CERS6: variants seen among roughly 807,000 people sequenced by gnomAD.
CERS6 encodes LAG1 homolog, ceramide synthase 6.
Under a neutral mutation model 56.8 loss-of-function variants are expected in CERS6, and 26 were observed. That is an observed-to-expected ratio of 0.46 (90% confidence interval 0.34 to 0.63). CERS6 has a LOEUF of 0.63. Ranked by LOEUF, CERS6 falls within the 30% of genes least tolerant of loss-of-function variation. The pLI, the probability that CERS6 is intolerant of heterozygous loss-of-function variation, is 0.01. For synonymous variants in CERS6, 164 were observed against 173.3 expected (o/e 0.95, Z 0.42); for missense variants, 415 against 467.5 (o/e 0.89, Z 1.04).
chr2:168,726,317 T>C (rs76019410), intron 8 of CERS6, among the ~76,000 whole-genome samples: 333 of 152,316 alleles, frequency 2.2e-3, no homozygotes, highest in African/African-American at 7.3e-3. Context: ...GTTCCATTTG[T>C]CCTTTCTACA....
chr2:168,721,703 T>G (rs1172034948), intron 8 of CERS6, among the ~76,000 whole-genome samples: 1 of 151,710 alleles, frequency 6.6e-6, no homozygotes, highest in Non-Finnish European at 1.5e-5. Context: ...ATTGCAGCCT[T>G]GAACTCCTGG....
At chr2:168,644,755 TAAAAAG>T (rs928539319) in intron 4 of CERS6, among the ~76,000 whole-genome samples, 13 of 152,042 alleles carry the variant, frequency 8.6e-5, no homozygotes, top group Admixed American at 7.9e-4. Flanking sequence ...AGACTGAACT[TAAAAAG>T]AGAAAGAAGA....
chr2:168,690,744 T>C (rs1428046672), intron 4 of CERS6, among the ~76,000 whole-genome samples: 1 of 152,136 alleles, frequency 6.6e-6, no homozygotes, highest in African/African-American at 2.4e-5. Context: ...GCTGGTTATG[T>C]AGCAGGAATA....
At chr2:168,458,847 T>G (rs1171041653) in intron 1 of CERS6, among the ~76,000 whole-genome samples, 5 of 152,234 alleles carry the variant, frequency 3.3e-5, no homozygotes, top group African/African-American at 9.6e-5. Context: ...TTTAGTTGTA[T>G]CTAGAGTTAG....
At chr2:168,574,959 A>AT (rs2105391610) in intron 3 of CERS6, among the ~76,000 whole-genome samples, 1 of 152,178 alleles carries the variant, frequency 6.6e-6, no homozygotes, top group African/African-American at 2.4e-5. Flanking sequence ...TGAGAACATG[A>AT]TTTTCTGGCT....
At chr2:168,600,190 T>TTC (rs10651781) in intron 3 of CERS6, among the ~76,000 whole-genome samples, 5,089 of 138,022 alleles carry the variant, frequency 0.037, 115 homozygotes, top group African/African-American at 0.06. Context: ...ACTACCATAT[T>TTC]TCTCTCTCTC....
chr2:168,667,834 G>A (rs916246083), intron 4 of CERS6, among the ~76,000 whole-genome samples: 1 of 152,162 alleles, frequency 6.6e-6, no homozygotes, highest in Non-Finnish European at 1.5e-5. Flanking sequence ...GCAGACAGGT[G>A]AACAGATATT....
chr2:168,553,667 G>T (rs1174223763), intron 2 of CERS6, among the ~76,000 whole-genome samples: 1 of 152,154 alleles, frequency 6.6e-6, no homozygotes. Flanking sequence ...TATTCCATGA[G>T]TCTTTCTTGA....
rs749833625 is a variant in CERS6, at chr2:168,717,909, T to C, written c.776T>C (p.Met259Thr). The C allele has an allele frequency of 6.2e-7, 1 of 1,613,862 alleles. No homozygotes were observed. The highest frequency in any genetic ancestry group is 1.3e-5 in the African/African-American group (1 of 75,042). Reference sequence around the variant, plus strand: ...GCAAATTATGCCAAGTTTCAGAAAATGTGTGATCTCCTGTTTGTTATGTTT... The same window carrying C: ...GCAAATTATGCCAAGTTTCAGAAAACGTGTGATCTCCTGTTTGTTATGTTT... Reference protein sequence around the residue: ...KMANYAKFQKMCDLLFVMFAV... With the variant: ...KMANYAKFQKTCDLLFVMFAV... The change falls in exon 8 of 10, where the codon ATG becomes ACG. Residue 259 changes from methionine to threonine, a missense_variant. Coordinates refer to ENST00000305747, the MANE Select transcript of CERS6 (RefSeq NM_203463.3).
chr2:168,650,892 A>C (rs1372347137), intron 4 of CERS6, among the ~76,000 whole-genome samples: 1 of 151,942 alleles, frequency 6.6e-6, no homozygotes, highest in African/African-American at 2.4e-5. Context: ...TATCAGCATT[A>C]CTCTTCTTGA....
At chr2:168,605,711 A>G (rs1684036795) in intron 3 of CERS6, among the ~76,000 whole-genome samples, 1 of 152,172 alleles carries the variant, frequency 6.6e-6, no homozygotes, top group African/African-American at 2.4e-5. Flanking sequence ...CCATGGCTCA[A>G]AGGGGCCCAG....
intron 1 of CERS6, among the ~76,000 whole-genome samples, chr2:168,501,589 A>G (rs947905814): frequency 6.6e-6 from 1 of 152,224 alleles, no homozygotes; most frequent in African/African-American, 2.4e-5. Context: ...GAGAGAGTCA[A>G]TGTTCTCTGG....
At chr2:168,469,064 G>C (rs767443001) in intron 1 of CERS6, among the ~76,000 whole-genome samples, 13 of 152,184 alleles carry the variant, frequency 8.5e-5, no homozygotes, top group Non-Finnish European at 1.6e-4. Context: ...AAGAAATTCA[G>C]TCTAGTGACA....
chr2:168,668,716 A>T (rs1480036578), intron 4 of CERS6, among the ~76,000 whole-genome samples: 1 of 152,122 alleles, frequency 6.6e-6, no homozygotes, highest in East Asian at 1.9e-4. Flanking sequence ...GGCCTCCCAC[A>T]GTGCTGGGAT....
intron 3 of CERS6, among the ~76,000 whole-genome samples, chr2:168,593,115 C>T (rs1249770952): frequency 6.6e-6 from 1 of 152,208 alleles, no homozygotes; most frequent in Non-Finnish European, 1.5e-5. Context: ...TATGACACTC[C>T]TATTTCCTCT....
At chr2:168,541,905 T>G (rs189923729) in intron 1 of CERS6, among the ~76,000 whole-genome samples, 1 of 152,324 alleles carries the variant, frequency 6.6e-6, no homozygotes, top group African/African-American at 2.4e-5. Flanking sequence ...TTCCCCAGGC[T>G]TTTTTCCCTG....
chr2:168,748,659 G>A (rs781571769), intron 8 of CERS6, among the ~76,000 whole-genome samples: 5 of 152,154 alleles, frequency 3.3e-5, no homozygotes, highest in African/African-American at 4.8e-5. Context: ...AGGCTTGCCA[G>A]CAAATTGGTC....
At chr2:168,583,156 A>G (rs181905751) in intron 3 of CERS6, 205 of 152,476 alleles carry the variant, frequency 1.3e-3, no homozygotes, top group African/African-American at 4.8e-3. Context: ...CTCTTATAGG[A>G]CAAGAATCTT....
At chr2:168,620,227 G>A (rs1684436419) in intron 3 of CERS6, among the ~76,000 whole-genome samples, 1 of 151,968 alleles carries the variant, frequency 6.6e-6, no homozygotes, top group African/African-American at 2.4e-5. Flanking sequence ...AAGCTATGCG[G>A]ATGCAAAGGC....
Sources: gnomAD v4.1 joint callset for allele counts (sites outside exome capture counted in the v4.1 genomes callset) on GRCh38, gnomAD v4.1.1 for gene constraint, MANE v1.5 for transcripts, NCBI Gene and HGNC (gene_info 2026-07-23, HGNC 2026-07-21) for gene names.